The following ZNF212 variants were observed in gnomAD, a reference collection of about 807,000 sequenced individuals.
The protein encoded by ZNF212 is zinc finger protein 212.
ZNF212 carries 32 observed loss-of-function variants against 47.3 expected under a neutral mutation model. The ratio of observed to expected loss-of-function variants is 0.68; its 90% CI spans 0.51 to 0.91. The LOEUF is 0.91. Ranked by LOEUF, ZNF212 falls within the 40% of genes least tolerant of loss-of-function variation. The pLI is 0.00. For missense variants in ZNF212, 555 were observed against 622.8 expected, an observed-to-expected ratio of 0.89 and a Z score of 1.16; for synonymous variants, 242 against 253.8, an observed-to-expected ratio of 0.95 and a Z score of 0.44.
chr7:149,239,979 T>A, intron 1 of ZNF212, 177 bp downstream of exon 1: 1 of 707,754 alleles, frequency 1.4e-6, no homozygotes, highest in Non-Finnish European at 2.0e-6. Context: ...CTTTTTTCCC[T>A]CCGCTTCCTT....
chr7:149,245,596 C>G (rs756760847), intron 1 of ZNF212, among the ~76,000 whole-genome samples: 3 of 152,078 alleles, frequency 2.0e-5, no homozygotes, highest in Non-Finnish European at 4.4e-5. Flanking sequence ...GCCTCAATCC[C>G]CTGGGCTCAA....
At chr7:149,252,886 T>C in intron 4 of ZNF212, 91 bp downstream of exon 4, 1 of 1,301,386 alleles carries the variant, frequency 7.7e-7, no homozygotes, top group Non-Finnish European at 1.1e-6. Flanking sequence ...GGTGCTGACT[T>C]GGTGACCTCA....
Position 149,254,010 on chromosome 7 carries a change from A to G in ZNF212, c.1083A>G (p.Pro361=), listed in dbSNP as rs767073978. 4 of 1,613,280 alleles carry G rather than the reference A, an allele frequency of 2.5e-6. 1 individual carries two copies. The South Asian group carries it at 4.4e-5, about 18-fold the overall frequency. ...ESLRPRPRLK[P]QTKKAKLHQC... ...TTAGGCCCAGGCCACGGCTGAAACC[A>G]CAGACCAAAAAGGCCAAGCTGCATC... The change falls in exon 5 of 5, where the codon CCA becomes CCG. Residue 361 remains proline (P), a synonymous_variant. Coordinates refer to ENST00000335870, the MANE Select transcript of ZNF212 (RefSeq NM_012256.4). This position sits in a 1 kb window ranked among gnomAD's most constrained non-coding sequence, Gnocchi z 4.5.
intron 1 of ZNF212, among the ~76,000 whole-genome samples, chr7:149,240,815 T>C (rs902622361): frequency 1.9e-4 from 29 of 152,178 alleles, no homozygotes; most frequent in African/African-American, 6.3e-4. Flanking sequence ...TGGGGAAAAT[T>C]TGACCATGAG....
At chr7:149,240,352 G>C (rs562272903) in intron 1 of ZNF212, among the ~76,000 whole-genome samples, 37 of 151,138 alleles carry the variant, frequency 2.4e-4, no homozygotes, top group Admixed American at 1.5e-3. Flanking sequence ...GCTGCATTTT[G>C]TTTGTAGAGC....
At chr7:149,240,045 C>A (rs1202427) in intron 1 of ZNF212, 223,008 of 416,324 alleles carry the variant, frequency 0.54, 60,532 homozygotes, top group Admixed American at 0.61. Flanking sequence ...ACTTCTCTGA[C>A]GCTTGCTTTA....
At position 149,254,251 on chromosome 7, in the gene ZNF212, T is replaced by C; in HGVS notation, c.1324T>C (p.Leu442=). ...CAAGAGCTTCAGTCACCCATCTGAC[T>C]TGGTGCGGCACCAGCGCATCCACAC... ...CGKSFSHPSD[L]VRHQRIHTGE... is the part of the protein sequence containing the mutation. Residue 442 remains leucine (L), a synonymous_variant, in exon 5 of 5, where the codon TTG becomes CTG. Coordinates refer to ENST00000335870, the MANE Select transcript of ZNF212 (RefSeq NM_012256.4). The surrounding 1 kb of genome is among the most constrained non-coding windows in gnomAD (Gnocchi z 4.5). 6.2e-7 allele frequency: 1 copy of C among 1,614,228 alleles called. No individual in the cohort carries two copies. Among genetic ancestry groups the C allele is most frequent in the South Asian group, 1.1e-5 (1 of 91,084 alleles).
chr7:149,253,897 A>G lies in ZNF212; in HGVS notation c.970A>G (p.Thr324Ala). The G allele has an allele frequency of 1.2e-6, 2 of 1,613,914 alleles. No individual in the cohort carries two copies. Among genetic ancestry groups the G allele is most frequent in the Non-Finnish European group, 1.7e-6 (2 of 1,180,010 alleles). Reference sequence around the variant, plus strand: ...CTACGAATGTTCTGAGTGTGAGATCACCTTCCGCTATAAGCAGCAGCTGGC... The same window carrying G: ...CTACGAATGTTCTGAGTGTGAGATCGCCTTCCGCTATAAGCAGCAGCTGGC... ...RPYECSECEI[T>A]FRYKQQLATH... is the part of the protein sequence containing the mutation. Residue 324 changes from threonine (T) to alanine (A), a missense_variant, in exon 5 of 5, where the codon ACC becomes GCC. Transcript: ENST00000335870.
rs1585599061 is a variant in ZNF212, at chr7:149,254,754, A to C, written c.*339A>C. 1 of 289,162 alleles carries C rather than the reference A, an allele frequency of 3.5e-6. No individual in the cohort carries two copies. The highest frequency in any genetic ancestry group is 7.3e-5 in the East Asian group (1 of 13,664). The allele number at this position is 289,162 out of a possible 1,614,324, so 17.9% of individuals were successfully genotyped here. Reference sequence around the variant, plus strand: ...TCGTCCCGGCATTTCATGTCTTCCCACGGGGTTGAGTCGGGCCATAGGGGT... The same window carrying C: ...TCGTCCCGGCATTTCATGTCTTCCCCCGGGGTTGAGTCGGGCCATAGGGGT... On this transcript the variant is annotated 3_prime_UTR_variant, in exon 5 of 5. Transcript: ENST00000335870. The surrounding 1 kb of genome is among the most constrained non-coding windows in gnomAD (Gnocchi z 4.5).
At position 149,253,903 on chromosome 7, in the gene ZNF212, C is replaced by T. The variant is rs200865885; in HGVS notation, c.976C>T (p.Arg326Cys). Residue 326 changes from arginine (R) to cysteine (C), a missense_variant, in exon 5 of 5, where the codon CGC becomes TGC. Coordinates refer to ENST00000335870, the MANE Select transcript of ZNF212 (RefSeq NM_012256.4). ...ATGTTCTGAGTGTGAGATCACCTTC[C>T]GCTATAAGCAGCAGCTGGCCACACA... The part of the protein sequence containing the change: ...YECSECEITF[R>C]YKQQLATHLR... 390 of 1,613,998 alleles carry T rather than the reference C, an allele frequency of 2.4e-4. No individual in the cohort carries two copies. Among genetic ancestry groups the T allele is most frequent in the South Asian group, 4.8e-4 (44 of 91,082 alleles).
In ZNF212 at chr7:149,254,030, T is replaced by C; in HGVS notation, c.1103T>C (p.Leu368Pro). 1 of 1,613,048 alleles carries C rather than the reference T, an allele frequency of 6.2e-7. No homozygotes were observed. Among genetic ancestry groups the C allele is most frequent in the Non-Finnish European group, 8.5e-7 (1 of 1,179,412 alleles). ...AAACCACAGACCAAAAAGGCCAAGC[T>C]GCATCAGTGTGATGTGTGCCTGAGG... ...RLKPQTKKAK[L>P]HQCDVCLRSF... The change falls in exon 5 of 5, where the codon CTG becomes CCG. Residue 368 changes from leucine to proline, a missense_variant. By Grantham distance (98) the Leu-to-Pro change is moderately conservative. Coordinates refer to ENST00000335870, the MANE Select transcript of ZNF212 (RefSeq NM_012256.4). This position sits in a 1 kb window ranked among gnomAD's most constrained non-coding sequence, Gnocchi z 4.5.
At position 149,250,220 on chromosome 7, in the gene ZNF212, A is replaced by G. The variant is rs1441130946; in HGVS notation, c.86A>G (p.Glu29Gly). ...TCCACACTTCCTTCACAAGCAACAG[A>G]GAAAAGCTCCTATTTTCAGACCACC... ...TSSTLPSQAT[E>G]KSSYFQTTEI... Residue 29 changes from glutamate (E) to glycine (G), a missense_variant, in exon 2 of 5, where the codon GAG becomes GGG. Transcript: ENST00000335870. 95 of 1,585,006 alleles carry G rather than the reference A, an allele frequency of 6.0e-5. No individual in the cohort carries two copies. The highest frequency in any genetic ancestry group is 8.0e-5 in the Non-Finnish European group (93 of 1,165,902).
intron 1 of ZNF212, among the ~76,000 whole-genome samples, chr7:149,242,699 G>A (rs1279950489): frequency 2.6e-5 from 4 of 152,130 alleles, no homozygotes; most frequent in African/African-American, 4.8e-5. Context: ...TAAACAAATA[G>A]TGACTTAATA....
intron 1 of ZNF212, among the ~76,000 whole-genome samples, chr7:149,246,023 CTGATTGTAAGG>C (rs983397389): frequency 3.3e-5 from 5 of 152,278 alleles, no homozygotes; most frequent in African/African-American, 1.2e-4. Context: ...ATTTGGATTC[CTGATTGTAAGG>C]TGGTTGTGTT....
chr7:149,252,308 C>G (rs889154220), intron 3 of ZNF212, among the ~76,000 whole-genome samples: 1 of 152,134 alleles, frequency 6.6e-6, no homozygotes, highest in Admixed American at 6.5e-5. Context: ...TGACTGTTTC[C>G]TTGTCTGTCC....
chr7:149,253,436 C>A, intron 4 of ZNF212, 123 bp from the exon 5 acceptor site: 1 of 1,241,742 alleles, frequency 8.1e-7, no homozygotes, highest in Non-Finnish European at 1.1e-6. Flanking sequence ...TCATCCTCCT[C>A]CACGTTATCC....
chr7:149,240,108 G>A (rs1796565907), intron 1 of ZNF212: 3 of 351,958 alleles, frequency 8.5e-6, no homozygotes, highest in Non-Finnish European at 1.5e-5. Context: ...TGCCAAAAGA[G>A]CCCGTTCCCA....
chr7:149,255,156 C>T lies in ZNF212; in HGVS notation c.*741C>T, dbSNP rs113505751. On this transcript the variant is annotated 3_prime_UTR_variant, in exon 5 of 5. Coordinates refer to ENST00000335870, the MANE Select transcript of ZNF212 (RefSeq NM_012256.4). ...TCAAAAGGACCAAGAGGAAAAGAGTCGGAGGGGTAGACCCTGCAGCCCTGT... is the reference window on the plus strand; with the variant it reads ...TCAAAAGGACCAAGAGGAAAAGAGTTGGAGGGGTAGACCCTGCAGCCCTGT... 1,962 of 130,236 alleles carry T rather than the reference C, an allele frequency of 0.015. 22 individuals carry two copies. The highest frequency in any genetic ancestry group is 0.04 in the South Asian group (163 of 4,066). 8.1% of individuals were successfully genotyped at this position (130,236 alleles called of 1,614,324 possible). A position where few individuals can be genotyped will look rare whatever the true frequency, so the allele number is the denominator to read the frequency against.
In ZNF212 at chr7:149,254,878, G is replaced by T. The variant is rs1796814363; in HGVS notation, c.*463G>T. The T allele has an allele frequency of 6.3e-6, 1 of 159,862 alleles. No individual in the cohort carries two copies. Among genetic ancestry groups the T allele is most frequent in the South Asian group, 1.9e-4 (1 of 5,240 alleles). 9.9% of individuals were successfully genotyped at this position (159,862 alleles called of 1,614,324 possible). A position where few individuals can be genotyped will look rare whatever the true frequency, so the allele number is the denominator to read the frequency against. On this transcript the variant is annotated 3_prime_UTR_variant, in exon 5 of 5. Transcript: ENST00000335870. This position sits in a 1 kb window ranked among gnomAD's most constrained non-coding sequence, Gnocchi z 4.5. ...AATAAGTAGAAGAAATAATTTAAAT[G>T]AACTGCTTAGCCCTGCTCTGAAGAA...
Sources: gnomAD v4.1 joint callset for allele counts (sites outside exome capture counted in the v4.1 genomes callset) on GRCh38, gnomAD v4.1.1 for gene constraint, Gnocchi (gnomAD v3.1) non-coding constraint, MANE v1.5 for transcripts, NCBI Gene and HGNC (gene_info 2026-07-23, HGNC 2026-07-21) for gene names.